The following DYNC1H1 variants were observed in gnomAD, a reference collection of about 807,000 sequenced individuals.
The protein encoded by DYNC1H1 is cytoplasmic dynein 1 heavy chain 1.
Under a neutral mutation model 527.1 loss-of-function variants are expected in DYNC1H1, and 51 were observed. The ratio of observed to expected loss-of-function variants is 0.10; its 90% CI spans 0.08 to 0.12. DYNC1H1 has a LOEUF of 0.12. Ranked by LOEUF, DYNC1H1 falls within the 10% of genes least tolerant of loss-of-function variation. DYNC1H1 has a pLI of 1.00. For missense variants in DYNC1H1, 2,771 were observed against 5,971.8 expected (o/e 0.46, Z 17.66); for synonymous variants, 2,189 against 2,278.8 (o/e 0.96, Z 1.12).
At chr14:102,021,446 A>C (rs1027353220) in intron 42 of DYNC1H1, among the ~76,000 whole-genome samples, 1 of 152,154 alleles carries the variant, frequency 6.6e-6, no homozygotes. Context: ...TCGCAACAGC[A>C]GTTGTGCTTA....
intron 29 of DYNC1H1, chr14:102,009,278 A>G (rs1205579571): frequency 6.3e-6 from 1 of 158,126 alleles, no homozygotes; most frequent in Non-Finnish European, 1.4e-5. Flanking sequence ...TTTATTGCAT[A>G]ATAACAACTT....
In DYNC1H1 at chr14:102,002,019, T is replaced by G. The variant is rs967259510; in HGVS notation, c.4542+338T>G. On this transcript the variant is annotated intron_variant, in intron 21 of 77. Coordinates refer to ENST00000360184, the MANE Select transcript of DYNC1H1 (RefSeq NM_001376.5). This position sits in a 1 kb window ranked among gnomAD's most constrained non-coding sequence, Gnocchi z 4.4. ...AACTCCTGGGCTTAAGCAGTCCTTCTGCACTGGCCTCCTAAAGTGCCGGGA... is the reference window on the plus strand; with the variant it reads ...AACTCCTGGGCTTAAGCAGTCCTTCGGCACTGGCCTCCTAAAGTGCCGGGA... 6.6e-6 allele frequency among the ~76,000 whole-genome samples: 1 copy of G among 152,050 alleles called. No homozygotes were observed. The highest frequency in any genetic ancestry group is 1.5e-5 in the Non-Finnish European group (1 of 68,008).
At chr14:102,046,832 T>C (rs2048726502) in intron 72 of DYNC1H1, among the ~76,000 whole-genome samples, 1 of 150,836 alleles carries the variant, frequency 6.6e-6, no homozygotes, top group African/African-American at 2.5e-5. Context: ...TGAGTCTTGC[T>C]CTGTCACTCA....
chr14:102,029,686 A>G lies in DYNC1H1; in HGVS notation c.9616A>G (p.Arg3206Gly), dbSNP rs2048488584. ...GCAGATGCACTTGAACGTGGGGCTCAGGAAGATCAAAGAGACAGTCGACCA... is the reference window on the plus strand; with the variant it reads ...GCAGATGCACTTGAACGTGGGGCTCGGGAAGATCAAAGAGACAGTCGACCA... ...EQQMHLNVGL[R>G]KIKETVDQVE... The change falls in exon 49 of 78, where the codon AGG becomes GGG. Residue 3206 changes from arginine (R) to glycine (G), a missense_variant. Physicochemically the swap from Arg to Gly is moderately radical, Grantham distance 125 (BLOSUM62 -2). Coordinates refer to ENST00000360184, the MANE Select transcript of DYNC1H1 (RefSeq NM_001376.5). The surrounding 1 kb of genome is among the most constrained non-coding windows in gnomAD (Gnocchi z 5.3). 6.2e-7 allele frequency: 1 copy of G among 1,614,256 alleles called. No individual in the cohort carries two copies. Among genetic ancestry groups the G allele is most frequent in the Non-Finnish European group, 8.5e-7 (1 of 1,180,044 alleles).
At chr14:101,974,071 T>C (rs2047772125) in intron 1 of DYNC1H1, among the ~76,000 whole-genome samples, 1 of 152,206 alleles carries the variant, frequency 6.6e-6, no homozygotes, top group Non-Finnish European at 1.5e-5. Flanking sequence ...GAACTTGAAC[T>C]GTTGAAACTA....
rs756957793 is a variant in DYNC1H1 at position 102,044,076 on chromosome 14, G to A, written c.12684+31G>A. 5 of 1,611,690 alleles carry A rather than the reference G, an allele frequency of 3.1e-6. No individual in the cohort carries two copies. Among genetic ancestry groups the A allele is most frequent in the Non-Finnish European group, 4.2e-6 (5 of 1,179,894 alleles). On this transcript the variant is annotated intron_variant, in intron 70 of 77. Coordinates refer to ENST00000360184, the MANE Select transcript of DYNC1H1 (RefSeq NM_001376.5). This position sits in a 1 kb window ranked among gnomAD's most constrained non-coding sequence, Gnocchi z 7.1. Reference sequence around the variant, plus strand: ...TGTGGGCCATGCCAGGACAGACAGTGGACGTGTATCTGGGAAGGATGCTGC... The same window carrying A: ...TGTGGGCCATGCCAGGACAGACAGTAGACGTGTATCTGGGAAGGATGCTGC...
rs1480994953 is a variant in DYNC1H1, at chr14:101,983,234, C to T, written c.1177C>T (p.Leu393Phe). The change falls in exon 6 of 78, where the codon CTC becomes TTC. Residue 393 changes from leucine to phenylalanine, a missense_variant. Leu to Phe is a conservative substitution (Grantham distance 22). This residue lies in a region of DYNC1H1 where 264 missense variants were observed against 619.4 expected (regional missense o/e 0.43). Coordinates refer to ENST00000360184, the MANE Select transcript of DYNC1H1 (RefSeq NM_001376.5). This position sits in a 1 kb window ranked among gnomAD's most constrained non-coding sequence, Gnocchi z 5.3. ...AISRDLSSQL[L>F]KVLGTRKLMH... is the part of the protein sequence containing the mutation. Reference sequence around the variant, plus strand: ...TTCAAGAGACTTGAGTTCTCAATTACTCAAAGTATTGGGCACTAGGAAATT... The same window carrying T: ...TTCAAGAGACTTGAGTTCTCAATTATTCAAAGTATTGGGCACTAGGAAATT... The T allele has an allele frequency of 1.2e-6, 2 of 1,614,220 alleles. No homozygotes were observed. Among genetic ancestry groups the T allele is most frequent in the Non-Finnish European group, 8.5e-7 (1 of 1,180,046 alleles).
intron 13 of DYNC1H1, 25 bp from the exon 14 acceptor site, chr14:101,994,961 G>C (rs1379867793): frequency 8.7e-6 from 14 of 1,613,470 alleles, no homozygotes; most frequent in Non-Finnish European, 1.2e-5. Context: ...AGCTGATGAT[G>C]TGTTGTGTGC....
At position 102,039,605 on chromosome 14, in the gene DYNC1H1, A is replaced by G. The variant is rs188799537; in HGVS notation, c.11596-33A>G. 3.9e-5 allele frequency: 63 copies of G among 1,614,126 alleles called. No individual in the cohort carries two copies. Among genetic ancestry groups the G allele is most frequent in the Non-Finnish European group, 3.1e-5 (36 of 1,180,020 alleles). On this transcript the variant is annotated intron_variant, in intron 61 of 77. Transcript: ENST00000360184. The surrounding 1 kb of genome is among the most constrained non-coding windows in gnomAD (Gnocchi z 7.0). The stretch of plus-strand genomic sequence containing the variant: ...GGGGAAGCAGGGTGCTGCTTCTCTT[A>G]TGGAACAACATCGTCTCCTGCTCTT...
At position 101,979,707 on chromosome 14, in the gene DYNC1H1, A is replaced by G; in HGVS notation, c.519-12A>G. 1 of 1,613,874 alleles carries G rather than the reference A, an allele frequency of 6.2e-7. No individual in the cohort carries two copies. The highest frequency in any genetic ancestry group is 8.5e-7 in the Non-Finnish European group (1 of 1,180,036). On this transcript the variant is annotated splice_polypyrimidine_tract_variant and intron_variant, in intron 3 of 77. Transcript: ENST00000360184. The surrounding 1 kb of genome is among the most constrained non-coding windows in gnomAD (Gnocchi z 4.6). ...AGCACACTAAATGTTGAGGTATGAA[A>G]TCTGTTTTTAGGGATGGTGATAAAA...
rs192950766 is a variant in DYNC1H1, at chr14:102,029,209, C to T, written c.9469-330C>T. 52 of 366,574 alleles carry T rather than the reference C, an allele frequency of 1.4e-4. No individual in the cohort carries two copies. Among genetic ancestry groups the T allele is most frequent in the Non-Finnish European group, 1.3e-4 (24 of 191,910 alleles). The allele number at this position is 366,574 out of a possible 1,614,324, so 22.7% of individuals were successfully genotyped here. On this transcript the variant is annotated intron_variant, in intron 48 of 77. Transcript: ENST00000360184. The surrounding 1 kb of genome is among the most constrained non-coding windows in gnomAD (Gnocchi z 5.3). Reference sequence around the variant, plus strand: ...CAGGCCTGCCTTGCCCCTTTCTTGTCATTTCTTACTAATAAAAGGTGGAAG... The same window carrying T: ...CAGGCCTGCCTTGCCCCTTTCTTGTTATTTCTTACTAATAAAAGGTGGAAG...
intron 43 of DYNC1H1, among the ~76,000 whole-genome samples, chr14:102,025,308 G>A (rs1413148287): frequency 2.0e-5 from 3 of 152,094 alleles, no homozygotes; most frequent in Non-Finnish European, 4.4e-5. Flanking sequence ...AGGAGGCTGA[G>A]GCAGGAGAAT....
intron 12 of DYNC1H1, 126 bp downstream of exon 12, chr14:101,994,450 C>T: frequency 6.9e-7 from 1 of 1,459,194 alleles, no homozygotes; most frequent in Admixed American, 1.8e-5. Context: ...ATACTATTTG[C>T]TGTTTCAAAG....
At chr14:101,969,175 A>G (rs1400620407) in intron 1 of DYNC1H1, among the ~76,000 whole-genome samples, 1 of 139,524 alleles carries the variant, frequency 7.2e-6, no homozygotes, top group Non-Finnish European at 1.5e-5. Context: ...CTGCCACCAC[A>G]CCTGGTTAAT....
rs769580999 is a variant in DYNC1H1, at chr14:101,986,160, A to G, written c.1935A>G (p.Ser645=). ...ACGTTCGTGACTTGCCCCCTGTGTC[A>G]GGGTCTATCATCTGGGCTAAACAGA... ...MSHVRDLPPV[S]GSIIWAKQID... The change falls in exon 8 of 78, where the codon TCA becomes TCG. Residue 645 remains serine, a synonymous_variant. Coordinates refer to ENST00000360184, the MANE Select transcript of DYNC1H1 (RefSeq NM_001376.5). This position sits in a 1 kb window ranked among gnomAD's most constrained non-coding sequence, Gnocchi z 8.7. 1.2e-6 allele frequency: 2 copies of G among 1,614,086 alleles called. No individual in the cohort carries two copies. Among genetic ancestry groups the G allele is most frequent in the Non-Finnish European group, 1.7e-6 (2 of 1,180,054 alleles).
At chr14:101,991,390 G>A (rs928056092) in intron 10 of DYNC1H1, 137 bp from the exon 11 acceptor site, 25 of 999,084 alleles carry the variant, frequency 2.5e-5, no homozygotes, top group East Asian at 5.3e-5. Flanking sequence ...GCTTGAACCC[G>A]GGAGGCGGAG....
chr14:102,046,701 GAA>G (rs1336143853), intron 72 of DYNC1H1, among the ~76,000 whole-genome samples: 1 of 152,288 alleles, frequency 6.6e-6, no homozygotes, highest in East Asian at 1.9e-4. Flanking sequence ...TGGTCGGGCT[GAA>G]AGCCGGCCGG....
intron 9 of DYNC1H1, 119 bp downstream of exon 9, chr14:101,987,751 C>T (rs2047952166): frequency 8.3e-7 from 1 of 1,201,266 alleles, no homozygotes; most frequent in African/African-American, 1.5e-5. Flanking sequence ...TAGTTCAATT[C>T]CCCTCCAAAA....
intron 10 of DYNC1H1, 142 bp downstream of exon 10, chr14:101,988,994 T>A: frequency 8.6e-7 from 1 of 1,160,044 alleles, no homozygotes; most frequent in Non-Finnish European, 1.2e-6. Flanking sequence ...GCCTCACCAG[T>A]GGCGATGTGC....
Sources: allele counts gnomAD v4.1 joint callset (sites outside exome capture counted in the v4.1 genomes callset), GRCh38; gene constraint gnomAD v4.1.1; regional missense constraint gnomAD v4.1.1; non-coding constraint Gnocchi (gnomAD v3.1); transcripts MANE v1.5; gene names NCBI Gene and HGNC (gene_info 2026-07-23, HGNC 2026-07-21).